CEMIP: variants seen among roughly 807,000 people sequenced by gnomAD.
CEMIP encodes cell migration inducing hyaluronidase 1.
CEMIP carries 105 observed loss-of-function variants against 156.9 expected under a neutral mutation model. The ratio of observed to expected loss-of-function variants is 0.67; its 90% CI spans 0.57 to 0.79. The LOEUF is 0.79. CEMIP is among the 30% of genes least tolerant of loss of function. The probability of loss-of-function intolerance (pLI) is 0.00; values close to 1 mark genes in which losing one functional copy is unlikely to be tolerated. For missense variants in CEMIP, 1,457 were observed against 1,769.4 expected (o/e 0.82, Z 3.17); for synonymous variants, 676 against 668.4 (o/e 1.01, Z -0.17).
intron 1 of CEMIP, among the ~76,000 whole-genome samples, chr15:80,839,520 C>T (rs911574572): frequency 4.6e-5 from 7 of 152,156 alleles, no homozygotes; most frequent in Non-Finnish European, 7.4e-5. Flanking sequence ...GCAGCGAAGC[C>T]GGCCAGACCT....
intron 1 of CEMIP, among the ~76,000 whole-genome samples, chr15:80,843,192 T>C (rs1897467617): frequency 6.6e-6 from 1 of 152,202 alleles, no homozygotes; most frequent in Non-Finnish European, 1.5e-5. Flanking sequence ...TCATGATCCT[T>C]ACTTTTCAGG....
At chr15:80,796,752 C>T (rs1329835839) in intron 1 of CEMIP, among the ~76,000 whole-genome samples, 1 of 152,180 alleles carries the variant, frequency 6.6e-6, no homozygotes, top group Non-Finnish European at 1.5e-5. Context: ...AACCCAGTAA[C>T]TTACGCTCCT....
At chr15:80,884,144 T>C in intron 6 of CEMIP, 31 bp from the exon 7 acceptor site, 1 of 1,612,398 alleles carries the variant, frequency 6.2e-7, no homozygotes, top group African/African-American at 1.3e-5. Context: ...CGGTCAAGAC[T>C]ATTCAGATCT....
At position 80,880,996 on chromosome 15, in the gene CEMIP, C is replaced by T; in HGVS notation, c.477C>T (p.Leu159=). The change falls in exon 6 of 30, where the codon CTC becomes CTT. Residue 159 remains leucine (L), a synonymous_variant. Coordinates refer to ENST00000394685, the MANE Select transcript of CEMIP (RefSeq NM_001293298.2). ...TTGAGTTGCATGGACAGAAAAAGCT[C>T]TCCTGGACATTTCTGAACAAGACCC... ...GALELHGQKK[L]SWTFLNKTLH... is the part of the protein sequence containing the mutation. 2 of 1,614,196 alleles carry T rather than the reference C, an allele frequency of 1.2e-6. No homozygotes were observed. Among genetic ancestry groups the T allele is most frequent in the Non-Finnish European group, 1.7e-6 (2 of 1,180,028 alleles).
At chr15:80,903,816 C>G (rs997234108) in intron 12 of CEMIP, among the ~76,000 whole-genome samples, 3 of 152,328 alleles carry the variant, frequency 2.0e-5, no homozygotes, top group Middle Eastern at 6.8e-3. Flanking sequence ...TTCTGCCCCC[C>G]ACACCTGGGA....
rs1218141409 is a variant in CEMIP at position 80,932,076 on chromosome 15, A to T, written c.2793+37A>T. ...GCCAGGGCAGACTCCCGGCAAACCC[A>T]GACTTTGGATGGTGATTCACAAGTC... On this transcript the variant is annotated intron_variant, in intron 22 of 29. Coordinates refer to ENST00000394685, the MANE Select transcript of CEMIP (RefSeq NM_001293298.2). The surrounding 1 kb of genome is among the most constrained non-coding windows in gnomAD (Gnocchi z 4.5). The T allele has an allele frequency of 6.2e-7, 1 of 1,606,968 alleles. No homozygotes were observed. Among genetic ancestry groups the T allele is most frequent in the East Asian group, 2.2e-5 (1 of 44,886 alleles).
intron 1 of CEMIP, among the ~76,000 whole-genome samples, chr15:80,806,866 A>G (rs1896526860): frequency 6.6e-6 from 1 of 152,220 alleles, no homozygotes; most frequent in South Asian, 2.1e-4. Flanking sequence ...ACTTTTAAGC[A>G]CAGTCTTGAG....
chr15:80,821,136 G>A (rs1271366466), intron 1 of CEMIP, among the ~76,000 whole-genome samples: 1 of 152,232 alleles, frequency 6.6e-6, no homozygotes, highest in African/African-American at 2.4e-5. Flanking sequence ...GCCCCTTGGA[G>A]CACATAATCT....
chr15:80,912,974 G>C (rs1025813137), intron 14 of CEMIP, among the ~76,000 whole-genome samples: 4 of 152,112 alleles, frequency 2.6e-5, no homozygotes, highest in Non-Finnish European at 5.9e-5. Context: ...CAGCATCCCT[G>C]ATCTGAAGGA....
intron 12 of CEMIP, among the ~76,000 whole-genome samples, chr15:80,905,729 G>A (rs575589831): frequency 2.6e-5 from 4 of 152,270 alleles, no homozygotes; most frequent in Admixed American, 6.5e-5. Flanking sequence ...GTTTGAAGAC[G>A]GAATATAAGG....
chr15:80,896,285 A>G, intron 12 of CEMIP: 1 of 679,844 alleles, frequency 1.5e-6, no homozygotes, highest in South Asian at 1.5e-5. Flanking sequence ...CCAGGCTGAG[A>G]GTTGGGTTCA....
intron 1 of CEMIP, among the ~76,000 whole-genome samples, chr15:80,863,853 C>T (rs1213171748): frequency 6.6e-6 from 1 of 152,086 alleles, no homozygotes; most frequent in African/African-American, 2.4e-5. Flanking sequence ...TCATGGAATC[C>T]CCCAGAAGGG....
In CEMIP at chr15:80,950,148, C is replaced by G. The variant is rs1294262873; in HGVS notation, c.*1224C>G. ...GAGCACAGGGGGCCTCCAGGAGACC[C>G]TAGATGTGCTCGTACTCCCTCGGCC... On this transcript the variant is annotated 3_prime_UTR_variant, in exon 30 of 30. Transcript: ENST00000394685. 6.6e-6 allele frequency: 1 copy of G among 152,264 alleles called. No individual in the cohort carries two copies. Among genetic ancestry groups the G allele is most frequent in the Admixed American group, 6.5e-5 (1 of 15,288 alleles). 9.4% of individuals were successfully genotyped at this position (152,264 alleles called of 1,614,324 possible).
At chr15:80,813,649 G>A (rs1211898694) in intron 1 of CEMIP, among the ~76,000 whole-genome samples, 1 of 152,008 alleles carries the variant, frequency 6.6e-6, no homozygotes, top group Non-Finnish European at 1.5e-5. Context: ...CCCGGCCGGA[G>A]CAGCAGTACT....
chr15:80,908,987 G>T, intron 13 of CEMIP, 110 bp from the exon 14 acceptor site: 1 of 1,014,302 alleles, frequency 9.9e-7, no homozygotes. Context: ...TGAGTACTAA[G>T]TGGAGACTGA....
At chr15:80,928,796 C>A in intron 19 of CEMIP, 106 bp from the exon 20 acceptor site, 1 of 1,375,720 alleles carries the variant, frequency 7.3e-7, no homozygotes, top group Non-Finnish European at 1.0e-6. Flanking sequence ...TTCCTCTGCA[C>A]GGTATTCAGT....
At chr15:80,928,709 A>C (rs1596199310) in intron 19 of CEMIP, among the ~76,000 whole-genome samples, 193 bp from the exon 20 acceptor site, 1 of 152,122 alleles carries the variant, frequency 6.6e-6, no homozygotes, top group East Asian at 1.9e-4. Context: ...GTGGGAGGGG[A>C]CCCAGAAAAT....
intron 1 of CEMIP, among the ~76,000 whole-genome samples, chr15:80,790,535 G>T (rs1042098028): frequency 8.6e-5 from 13 of 150,796 alleles, no homozygotes; most frequent in African/African-American, 2.5e-4. Flanking sequence ...CTGTTTTGCA[G>T]ATGGAGAAGG....
Position 80,950,950 on chromosome 15 carries a change from C to T in CEMIP, c.*2026C>T, listed in dbSNP as rs895023315. 2.6e-5 allele frequency: 4 copies of T among 152,680 alleles called. No homozygotes were observed. Among genetic ancestry groups the T allele is most frequent in the Admixed American group, 6.5e-5 (1 of 15,282 alleles). The allele number at this position is 152,680 out of a possible 1,614,324, so 9.5% of individuals were successfully genotyped here. A position where few individuals can be genotyped will look rare whatever the true frequency, so the allele number is the denominator to read the frequency against. Reference sequence around the variant, plus strand: ...GAGACTCGGTCCAAGAGTCCATTCCCCAGGTGGGAGCCAACTGTCAGGGAG... The same window carrying T: ...GAGACTCGGTCCAAGAGTCCATTCCTCAGGTGGGAGCCAACTGTCAGGGAG... On this transcript the variant is annotated 3_prime_UTR_variant, in exon 30 of 30. Transcript: ENST00000394685.
Sources: gnomAD v4.1 joint callset for allele counts (sites outside exome capture counted in the v4.1 genomes callset) on GRCh38, gnomAD v4.1.1 for gene constraint, Gnocchi (gnomAD v3.1) non-coding constraint, MANE v1.5 for transcripts, NCBI Gene and HGNC (gene_info 2026-07-23, HGNC 2026-07-21) for gene names.